Variants in EXOC6B observed in about 807,000 individuals in gnomAD.
The protein encoded by EXOC6B is SEC15 homolog B.
In EXOC6B, 54 loss-of-function variants were observed where a neutral mutation model predicts 113.5. That is an observed-to-expected ratio of 0.48 (90% CI 0.38 to 0.60). The LOEUF is 0.60. Among genes scored for constraint, EXOC6B ranks in the 20% least tolerant of loss-of-function variants. EXOC6B has a pLI of 0.00. For missense variants in EXOC6B, 797 were observed against 977.5 expected, an observed-to-expected ratio of 0.82 and a Z score of 2.46; for synonymous variants, 357 against 339.0, an observed-to-expected ratio of 1.05 and a Z score of -0.58.
chr2:72,780,382 A>G (rs1355604908), intron 1 of EXOC6B, among the ~76,000 whole-genome samples: 2 of 152,194 alleles, frequency 1.3e-5, no homozygotes, highest in East Asian at 3.8e-4. Context: ...ACACTTTATA[A>G]AATAACCTGA....
chr2:72,677,985 T>C (rs916698849), intron 6 of EXOC6B, among the ~76,000 whole-genome samples: 1 of 152,204 alleles, frequency 6.6e-6, no homozygotes, highest in Admixed American at 6.5e-5. Flanking sequence ...GATTGCTAGA[T>C]TGCAGTAGGA....
chr2:72,578,793 G>A lies in EXOC6B; in HGVS notation c.670-3125C>T, dbSNP rs1364580173. 2.6e-5 allele frequency among the ~76,000 whole-genome samples: 4 copies of A among 151,978 alleles called. No individual in the cohort carries two copies. The South Asian group carries it at 6.2e-4, about 24-fold the overall frequency. The stretch of plus-strand genomic sequence containing the variant: ...ATAAATGAAAAAAGTAACCATTCCA[G>A]AAGAATGAAGCAGCAGGAGAAGGAC... On this transcript the variant is annotated intron_variant, in intron 6 of 21. Coordinates refer to ENST00000272427, the MANE Select transcript of EXOC6B (RefSeq NM_015189.3).
chr2:72,277,449 C>A (rs1684867292), intron 20 of EXOC6B, among the ~76,000 whole-genome samples: 2 of 151,804 alleles, frequency 1.3e-5, no homozygotes, highest in Admixed American at 1.3e-4. Flanking sequence ...AGCTTCAAAG[C>A]TAGTAAGATA....
chr2:72,784,146 T>C (rs1439965468), intron 1 of EXOC6B, among the ~76,000 whole-genome samples: 1 of 152,196 alleles, frequency 6.6e-6, no homozygotes, highest in African/African-American at 2.4e-5. Context: ...CAAAAATCAG[T>C]TAGCTGTAAG....
intron 1 of EXOC6B, among the ~76,000 whole-genome samples, chr2:72,813,935 GAAAC>G (rs2105140063): frequency 6.6e-6 from 1 of 152,198 alleles, no homozygotes; most frequent in African/African-American, 2.4e-5. Flanking sequence ...GAGGAGGAAA[GAAAC>G]AAAGGCACAA....
intron 2 of EXOC6B, among the ~76,000 whole-genome samples, chr2:72,740,473 G>A (rs765558362): frequency 1.3e-5 from 2 of 152,180 alleles, no homozygotes; most frequent in Non-Finnish European, 2.9e-5. Flanking sequence ...TAAGCAAAAT[G>A]AGTTATCTAA....
At chr2:72,543,148 G>C (rs1702705494) in intron 8 of EXOC6B, among the ~76,000 whole-genome samples, 1 of 152,114 alleles carries the variant, frequency 6.6e-6, no homozygotes, top group African/African-American at 2.4e-5. Flanking sequence ...GGTGTATCTG[G>C]CGCATAAACT....
intron 18 of EXOC6B, among the ~76,000 whole-genome samples, chr2:72,417,241 T>C (rs919788487): frequency 2.6e-5 from 4 of 152,218 alleles, no homozygotes; most frequent in African/African-American, 9.7e-5. Context: ...TCGACCAGGC[T>C]GGAGTGCAAT....
At position 72,307,161 on chromosome 2, in the gene EXOC6B, G is replaced by GTTTTTGTTTTTTTTTTTT. The variant is rs758906963; in HGVS notation, c.2196+27785_2196+27786insAAAAAAAAAAAACAAAAA. Among the ~76,000 whole-genome samples the GTTTTTGTTTTTTTTTTTT allele has an allele frequency of 4.3e-4, 55 of 128,482 alleles. 8 individuals carry two copies. The highest frequency in any genetic ancestry group is 1.7e-3 in the African/African-American group (44 of 26,190). 84.3% of individuals were successfully genotyped at this position (128,482 alleles called of 152,430 possible). On this transcript the variant is annotated intron_variant, in intron 20 of 21. Transcript: ENST00000272427. The stretch of plus-strand genomic sequence containing the variant: ...TCCATGACTGCAATGGTATAGTCCA[G>GTTTTTGTTTTTTTTTTTT]TTTTTTTTTTTTTGAGACGGAGTCT...
At chr2:72,819,764 A>AAGAG (rs376096517) in intron 1 of EXOC6B, among the ~76,000 whole-genome samples, 3 of 151,696 alleles carry the variant, frequency 2.0e-5, no homozygotes, top group Non-Finnish European at 4.4e-5. Flanking sequence ...GAAAAGAAAA[A>AAGAG]AGAGAGAGAG....
rs1048514977 is a variant in EXOC6B, at chr2:72,305,768, T to A, written c.2196+29179A>T. 4.4e-4 allele frequency among the ~76,000 whole-genome samples: 67 copies of A among 150,816 alleles called. 1 individual carries two copies. The highest frequency in any genetic ancestry group is 6.0e-4 in the Non-Finnish European group (41 of 67,856). Reference sequence around the variant, plus strand: ...TTTGTCTGCTCTAATAAACAAAAAATTTCAATGTATTATTATGCTCCAAAA... The same window carrying A: ...TTTGTCTGCTCTAATAAACAAAAAAATTCAATGTATTATTATGCTCCAAAA... On this transcript the variant is annotated intron_variant, in intron 20 of 21. Transcript: ENST00000272427.
At position 72,808,228 on chromosome 2, in the gene EXOC6B, T is replaced by C. The variant is rs191061384; in HGVS notation, c.113+17570A>G. ...CAATAGGCTTTACTTTGCTGAGTTT[T>C]CCAAACTAGGTTTGACACTAGAAAG... On this transcript the variant is annotated intron_variant, in intron 1 of 21. Coordinates refer to ENST00000272427, the MANE Select transcript of EXOC6B (RefSeq NM_015189.3). Among the ~76,000 whole-genome samples, 3 of 152,320 alleles carry C rather than the reference T, an allele frequency of 2.0e-5. No homozygotes were observed. In the East Asian group the frequency reaches 5.8e-4, roughly 29 times the overall value.
intron 6 of EXOC6B, among the ~76,000 whole-genome samples, chr2:72,598,906 T>C (rs994562483): frequency 5.9e-5 from 9 of 152,076 alleles, no homozygotes; most frequent in African/African-American, 1.4e-4. Context: ...ATTGAATTAA[T>C]AATTAATAAC....
At chr2:72,709,337 C>G (rs1679113079) in intron 6 of EXOC6B, among the ~76,000 whole-genome samples, 1 of 152,174 alleles carries the variant, frequency 6.6e-6, no homozygotes, top group Non-Finnish European at 1.5e-5. Flanking sequence ...CACAACAATC[C>G]TATGAATTCT....
chr2:72,211,076 C>A (rs551003105), intron 20 of EXOC6B, among the ~76,000 whole-genome samples: 2 of 152,218 alleles, frequency 1.3e-5, no homozygotes, highest in South Asian at 4.1e-4. Context: ...AGCAATTTTA[C>A]CCTCTTCCCT....
At chr2:72,191,630 G>C (rs1678839591) in intron 20 of EXOC6B, among the ~76,000 whole-genome samples, 1 of 152,112 alleles carries the variant, frequency 6.6e-6, no homozygotes, top group South Asian at 2.1e-4. Context: ...GGAAAGACTA[G>C]AAAAATCCAA....
chr2:72,657,177 T>C (rs1674641255), intron 6 of EXOC6B, among the ~76,000 whole-genome samples: 1 of 150,524 alleles, frequency 6.6e-6, no homozygotes, highest in African/African-American at 2.4e-5. Context: ...TAAGACTAGA[T>C]CATCAATATC....
chr2:72,325,623 T>G (rs1480178978), intron 20 of EXOC6B, among the ~76,000 whole-genome samples: 2 of 151,882 alleles, frequency 1.3e-5, no homozygotes, highest in Non-Finnish European at 2.9e-5. Flanking sequence ...TGCCTCTCAT[T>G]CATGAGCTAG....
intron 18 of EXOC6B, among the ~76,000 whole-genome samples, chr2:72,454,765 A>C (rs1399040851): frequency 6.6e-6 from 1 of 152,198 alleles, no homozygotes; most frequent in African/African-American, 2.4e-5. Context: ...TACTACCAGA[A>C]AGAACAGCTC....
Sources: allele counts gnomAD v4.1 joint callset (sites outside exome capture counted in the v4.1 genomes callset), GRCh38; gene constraint gnomAD v4.1.1; transcripts MANE v1.5; gene names NCBI Gene and HGNC (gene_info 2026-07-23, HGNC 2026-07-21).